The following BRD7 variants were observed in gnomAD, a reference collection of about 807,000 sequenced individuals.
BRD7 encodes bromodomain containing 7.
Under a neutral mutation model 82.1 loss-of-function variants are expected in BRD7, and 15 were observed. The observed-to-expected ratio is 0.18, with a 90% CI of 0.12 to 0.28. The LOEUF (loss-of-function observed/expected upper bound fraction) is 0.28, where lower values mean the gene tolerates loss of function less well. Ranked by LOEUF, BRD7 falls within the 10% of genes least tolerant of loss-of-function variation. The probability of loss-of-function intolerance (pLI) is 1.00; values close to 1 mark genes in which losing one functional copy is unlikely to be tolerated. For missense variants in BRD7, 638 were observed against 779.9 expected (o/e 0.82, Z 2.17); for synonymous variants, 232 against 266.9 (o/e 0.87, Z 1.27).
chr16:50,328,706 C>T lies in BRD7; in HGVS notation c.1050G>A (p.Thr350=), dbSNP rs1461986934. ...FERRKPDGTT[T]LGLLHPVDPI... ...GATCCACAGGATGGAGAAGTCCCAA[C>T]GTCGTTGTTCCATCTGGTTTTCTTC... The change falls in exon 9 of 17, where the codon ACG becomes ACA. Residue 350 remains threonine, a synonymous_variant. Coordinates refer to ENST00000394688, the MANE Select transcript of BRD7 (RefSeq NM_013263.5). 9 of 1,613,888 alleles carry T rather than the reference C, an allele frequency of 5.6e-6. No homozygotes were observed. Among genetic ancestry groups the T allele is most frequent in the African/African-American group, 2.7e-5 (2 of 74,926 alleles).
intron 1 of BRD7, 64 bp from the exon 2 acceptor site, chr16:50,368,362 G>A: frequency 6.6e-7 from 1 of 1,526,706 alleles, no homozygotes; most frequent in Non-Finnish European, 8.9e-7. Context: ...TCCAGGGAGT[G>A]CTAAGGATGC....
At chr16:50,321,255 CA>C (rs1258139131) in intron 13 of BRD7, among the ~76,000 whole-genome samples, 2 of 152,082 alleles carry the variant, frequency 1.3e-5, no homozygotes, top group African/African-American at 4.8e-5. Flanking sequence ...ATGAGAGAAA[CA>C]AAATCTTAAA....
chr16:50,365,759 G>C (rs2039117861), intron 2 of BRD7, among the ~76,000 whole-genome samples: 1 of 151,902 alleles, frequency 6.6e-6, no homozygotes, highest in Non-Finnish European at 1.5e-5. Flanking sequence ...CCTGAAGGAA[G>C]AACCCTCCCC....
chr16:50,368,542 C>A, intron 1 of BRD7, 184 bp downstream of exon 1: 2 of 714,536 alleles, frequency 2.8e-6, no homozygotes, highest in Non-Finnish European at 4.2e-6. Flanking sequence ...ACCAGGGGGA[C>A]CCGGGTTCGA....
Position 50,316,311 on chromosome 16 carries a change from A to G in BRD7, c.*2900T>C, listed in dbSNP as rs2036797566. ...ACAGCAAGAAGGCGGGGAGCAGCAG[A>G]GCCTTGCCTTTGAATGAGGCAGCTT... is the stretch of plus-strand genomic sequence containing the variant. On this transcript the variant is annotated 3_prime_UTR_variant, in exon 17 of 17. Coordinates refer to ENST00000394688, the MANE Select transcript of BRD7 (RefSeq NM_013263.5). The G allele has an allele frequency of 6.6e-6, 1 of 152,400 alleles. No homozygotes were observed. The highest frequency in any genetic ancestry group is 2.1e-4 in the South Asian group (1 of 4,832). The allele number at this position is 152,400 out of a possible 1,614,324, so 9.4% of individuals were successfully genotyped here. A position where few individuals can be genotyped will look rare whatever the true frequency, so the allele number is the denominator to read the frequency against.
intron 5 of BRD7, among the ~76,000 whole-genome samples, chr16:50,344,982 G>T (rs972583094): frequency 6.6e-6 from 1 of 152,146 alleles, no homozygotes; most frequent in Admixed American, 6.5e-5. Flanking sequence ...CACCAAAGTT[G>T]AAATGAAGGA....
chr16:50,364,660 A>C (rs1230083147), intron 2 of BRD7, among the ~76,000 whole-genome samples: 3 of 152,186 alleles, frequency 2.0e-5, no homozygotes, highest in Non-Finnish European at 4.4e-5. Flanking sequence ...GCTGGAACAC[A>C]GGGGGGAGAA....
intron 7 of BRD7, among the ~76,000 whole-genome samples, chr16:50,334,151 T>G (rs371504008): frequency 1.3e-5 from 2 of 152,206 alleles, no homozygotes; most frequent in African/African-American, 4.8e-5. Context: ...CTCCCCAAAG[T>G]TGGCAGTGAG....
chr16:50,330,865 G>A lies in BRD7; in HGVS notation c.1012-2121C>T, dbSNP rs924250247. ...TCATGTTATATTAAGTAATCTTAGGGTTTTCACTTGAAATTAGGGTTACTA... is the reference window on the plus strand; with the variant it reads ...TCATGTTATATTAAGTAATCTTAGGATTTTCACTTGAAATTAGGGTTACTA... On this transcript the variant is annotated intron_variant, in intron 8 of 16. Transcript: ENST00000394688. Among the ~76,000 whole-genome samples, 5 of 151,708 alleles carry A rather than the reference G, an allele frequency of 3.3e-5. No homozygotes were observed. The South Asian group carries it at 1.0e-3, about 32-fold the overall frequency.
At chr16:50,346,120 CAA>C (rs1166871293) in intron 5 of BRD7, among the ~76,000 whole-genome samples, 2 of 152,236 alleles carry the variant, frequency 1.3e-5, no homozygotes, top group African/African-American at 4.8e-5. Flanking sequence ...GAAACTCACT[CAA>C]AACCGCTCAA....
rs902303997 is a variant in BRD7 at position 50,318,354 on chromosome 16, A to G, written c.*857T>C. 6.6e-6 allele frequency: 1 copy of G among 152,244 alleles called. No individual in the cohort carries two copies. The highest frequency in any genetic ancestry group is 2.4e-5 in the African/African-American group (1 of 41,468). The allele number at this position is 152,244 out of a possible 1,614,324, so 9.4% of individuals were successfully genotyped here. A position where few individuals can be genotyped will look rare whatever the true frequency, so the allele number is the denominator to read the frequency against. The stretch of plus-strand genomic sequence containing the variant: ...GGCTTCCTGCCTGGGTGATTTATAG[A>G]AGGATTGTATAAGGGCCTTCAAACT... On this transcript the variant is annotated 3_prime_UTR_variant, in exon 17 of 17. Transcript: ENST00000394688.
intron 4 of BRD7, among the ~76,000 whole-genome samples, chr16:50,352,651 A>G (rs2151192214): frequency 6.7e-6 from 1 of 149,314 alleles, no homozygotes; most frequent in South Asian, 2.1e-4. Flanking sequence ...TTACATTTCC[A>G]CCAACAGTAT....
At chr16:50,352,701 G>GT (rs34714781) in intron 4 of BRD7, among the ~76,000 whole-genome samples, 20,071 of 127,524 alleles carry the variant, frequency 0.16, 1,860 homozygotes, top group Non-Finnish European at 0.22. Flanking sequence ...TGCCAGCTTT[G>GT]TTTTTTTTTT....
intron 8 of BRD7, 124 bp downstream of exon 8, chr16:50,333,446 CTAAG>C: frequency 8.4e-7 from 1 of 1,183,434 alleles, no homozygotes; most frequent in Non-Finnish European, 1.2e-6. Flanking sequence ...TGTTTTTCTG[CTAAG>C]TATTATACTG....
chr16:50,367,438 G>A (rs1483815153), intron 2 of BRD7, among the ~76,000 whole-genome samples: 1 of 152,134 alleles, frequency 6.6e-6, no homozygotes, highest in South Asian at 2.1e-4. Flanking sequence ...TGCCCAGGCT[G>A]GTCTCGAACT....
At chr16:50,357,681 T>C (rs2038787362) in intron 2 of BRD7, among the ~76,000 whole-genome samples, 2 of 152,158 alleles carry the variant, frequency 1.3e-5, no homozygotes, top group South Asian at 4.1e-4. Flanking sequence ...GCAAACTTTT[T>C]GGTCAACGAC....
chr16:50,344,481 G>T (rs2038202519), intron 5 of BRD7, among the ~76,000 whole-genome samples: 1 of 152,186 alleles, frequency 6.6e-6, no homozygotes, highest in South Asian at 2.1e-4. Context: ...GCTCAAGGAA[G>T]ATGTTTGAAC....
At chr16:50,322,315 GTAAATAAATGGTATCT>G (rs2037154956) in intron 12 of BRD7, among the ~76,000 whole-genome samples, 1 of 152,170 alleles carries the variant, frequency 6.6e-6, no homozygotes, top group Non-Finnish European at 1.5e-5. Flanking sequence ...TTATAAATAT[GTAAATAAATGGTATCT>G]GTTTTTATCA....
At chr16:50,347,953 G>A (rs1295110142) in intron 5 of BRD7, among the ~76,000 whole-genome samples, 1 of 152,134 alleles carries the variant, frequency 6.6e-6, no homozygotes, top group Non-Finnish European at 1.5e-5. Flanking sequence ...GCATTGCCAA[G>A]TCAATCCTAA....
Sources: gnomAD v4.1 joint callset for allele counts (sites outside exome capture counted in the v4.1 genomes callset) on GRCh38, gnomAD v4.1.1 for gene constraint, MANE v1.5 for transcripts, NCBI Gene and HGNC (gene_info 2026-07-23, HGNC 2026-07-21) for gene names.